Variants in ASAP1 observed in about 807,000 individuals in gnomAD.
ASAP1 encodes the protein ArfGAP with SH3 domain, ankyrin repeat and PH domain 1, also known as arf-GAP with SH3 domain, ANK repeat and PH domain-containing protein 1.
In ASAP1, 43 loss-of-function variants were observed where a neutral mutation model predicts 145.2. The observed-to-expected ratio is 0.30, with a 90% CI of 0.23 to 0.38. The LOEUF (loss-of-function observed/expected upper bound fraction) is 0.38, where lower values mean the gene tolerates loss of function less well. Ranked by LOEUF, ASAP1 falls within the 10% of genes least tolerant of loss-of-function variation. The probability of loss-of-function intolerance (pLI) is 1.00; values close to 1 mark genes in which losing one functional copy is unlikely to be tolerated. For missense variants in ASAP1, 1,018 were observed against 1,355.3 expected, an observed-to-expected ratio of 0.75 and a Z score of 3.91; for synonymous variants, 546 against 515.5, an observed-to-expected ratio of 1.06 and a Z score of -0.80.
chr8:130,225,790 T>G (rs948475911), intron 4 of ASAP1, among the ~76,000 whole-genome samples: 1 of 152,198 alleles, frequency 6.6e-6, no homozygotes, highest in African/African-American at 2.4e-5. Flanking sequence ...AGTCAGTGTT[T>G]GCTTAGGTGG....
chr8:130,397,969 T>C lies in ASAP1; in HGVS notation c.59+3916A>G, dbSNP rs370233523. 9.2e-5 allele frequency among the ~76,000 whole-genome samples: 14 copies of C among 152,312 alleles called. No homozygotes were observed. The East Asian group carries it at 2.7e-3, about 29-fold the overall frequency. On this transcript the variant is annotated intron_variant, in intron 2 of 29. Transcript: ENST00000518721. ...CCTAGCCAGGTTACTGGCACATAAG[T>C]AATAAGCAGTTATCAATACAAGTTA...
chr8:130,135,762 A>G (rs1244403342), intron 14 of ASAP1, among the ~76,000 whole-genome samples: 3 of 152,350 alleles, frequency 2.0e-5, no homozygotes, highest in Non-Finnish European at 4.4e-5. Context: ...ACAGACTCTC[A>G]TAACTAGGGG....
chr8:130,182,923 G>A (rs1814465500), intron 7 of ASAP1, among the ~76,000 whole-genome samples: 1 of 149,776 alleles, frequency 6.7e-6, no homozygotes, highest in South Asian at 2.1e-4. Context: ...AAACAGTGGG[G>A]AAAAAACACT....
intron 3 of ASAP1, among the ~76,000 whole-genome samples, chr8:130,353,625 T>A (rs1441739528): frequency 6.6e-6 from 1 of 152,192 alleles, no homozygotes; most frequent in African/African-American, 2.4e-5. Flanking sequence ...ATCCCAGCAC[T>A]TTGGAAGGCT....
intron 7 of ASAP1, among the ~76,000 whole-genome samples, chr8:130,184,376 G>T (rs1814574192): frequency 6.6e-6 from 1 of 152,208 alleles, no homozygotes; most frequent in African/African-American, 2.4e-5. Context: ...GATAAGTCAG[G>T]AAGCAGGTAA....
chr8:130,266,271 G>C (rs1331333106), intron 3 of ASAP1, among the ~76,000 whole-genome samples: 1 of 152,114 alleles, frequency 6.6e-6, no homozygotes, highest in Non-Finnish European at 1.5e-5. Flanking sequence ...TACATAACTA[G>C]TGGTCAGTGA....
At chr8:130,202,115 T>C (rs1400656076) in intron 5 of ASAP1, among the ~76,000 whole-genome samples, 1 of 152,192 alleles carries the variant, frequency 6.6e-6, no homozygotes. Context: ...TACATCTTCA[T>C]GTTTTAAGAC....
intron 27 of ASAP1, among the ~76,000 whole-genome samples, chr8:130,063,633 A>G (rs764161942): frequency 8.0e-4 from 121 of 152,130 alleles, no homozygotes; most frequent in Non-Finnish European, 3.4e-4. Flanking sequence ...TCTTCCTAAG[A>G]GCCCCGCGAT....
At chr8:130,380,073 C>T (rs905523204) in intron 2 of ASAP1, among the ~76,000 whole-genome samples, 7 of 152,220 alleles carry the variant, frequency 4.6e-5, no homozygotes, top group African/African-American at 7.2e-5. Flanking sequence ...TACTAAGCAC[C>T]TACCTGTTGG....
chr8:130,057,972 T>C lies in ASAP1; in HGVS notation c.3297A>G (p.Glu1099=), dbSNP rs1236928495. The change falls in exon 29 of 30, where the codon GAA becomes GAG. Residue 1099 remains glutamate, a synonymous_variant. Transcript: ENST00000518721. ...TACGTACCCACCACTCCTGGTCCTC[T>C]TCCCCTGTGACGATAATCACTTCTC... is the stretch of plus-strand genomic sequence containing the variant. ...IEGEVIIVTG[E]EDQEWWIGHI... 1.2e-6 allele frequency: 2 copies of C among 1,614,256 alleles called. No homozygotes were observed. Among genetic ancestry groups the C allele is most frequent in the South Asian group, 1.1e-5 (1 of 91,092 alleles).
chr8:130,056,038 T>C (rs2097403317), intron 29 of ASAP1, among the ~76,000 whole-genome samples: 1 of 152,124 alleles, frequency 6.6e-6, no homozygotes, highest in South Asian at 2.1e-4. Flanking sequence ...AGCTTCCCAT[T>C]CCCCGCAGGT....
intron 3 of ASAP1, among the ~76,000 whole-genome samples, chr8:130,241,703 G>C (rs1022990233): frequency 9.2e-5 from 14 of 152,086 alleles, no homozygotes; most frequent in African/African-American, 3.4e-4. Context: ...ATGTAGAAGA[G>C]ATATGACTAT....
rs11420981 is a variant in ASAP1 at position 130,352,212 on chromosome 8, G to GTTTT, written c.186+5801_186+5804dup. On this transcript the variant is annotated intron_variant, in intron 3 of 29. Coordinates refer to ENST00000518721, the MANE Select transcript of ASAP1 (RefSeq NM_018482.4). ...GATTTTAGCTAAATCCTTCCTAAGG[G>GTTTT]TTTTTTTTTTTTTTTTTTAAGACTA... Among the ~76,000 whole-genome samples, 101 of 139,684 alleles carry GTTTT rather than the reference G, an allele frequency of 7.2e-4. 1 individual carries two copies. Among genetic ancestry groups the GTTTT allele is most frequent in the African/African-American group, 2.0e-3 (77 of 37,814 alleles). The allele number at this position is 139,684 out of a possible 152,430, so 91.6% of individuals were successfully genotyped here.
At chr8:130,274,417 A>G (rs763058614) in intron 3 of ASAP1, among the ~76,000 whole-genome samples, 4 of 152,142 alleles carry the variant, frequency 2.6e-5, no homozygotes, top group Non-Finnish European at 5.9e-5. Flanking sequence ...TTTGGTAGAG[A>G]GGAGATAATA....
Position 130,101,732 on chromosome 8 carries a change from A to ATTTTTTTTTT in ASAP1, c.2402-9599_2402-9590dup, listed in dbSNP as rs59778799. On this transcript the variant is annotated intron_variant, in intron 24 of 29. Coordinates refer to ENST00000518721, the MANE Select transcript of ASAP1 (RefSeq NM_018482.4). ...AGGCATGTGCTACCACACCTGGTTAATTTTTTTTTTTTTTTTTTTTGCAGA... is the reference window on the plus strand; with the variant it reads ...AGGCATGTGCTACCACACCTGGTTAATTTTTTTTTTTTTTTTTTTTTTTTTTTTTTGCAGA... Among the ~76,000 whole-genome samples the ATTTTTTTTTT allele has an allele frequency of 5.6e-3, 486 of 86,884 alleles. 46 individuals are homozygous for ATTTTTTTTTT. Among genetic ancestry groups the ATTTTTTTTTT allele is most frequent in the African/African-American group, 0.018 (321 of 18,068 alleles). 57.0% of individuals were successfully genotyped at this position (86,884 alleles called of 152,430 possible). A position where few individuals can be genotyped will look rare whatever the true frequency, so the allele number is the denominator to read the frequency against.
chr8:130,282,708 T>C (rs997885959), intron 3 of ASAP1, among the ~76,000 whole-genome samples: 1 of 152,224 alleles, frequency 6.6e-6, no homozygotes, highest in Non-Finnish European at 1.5e-5. Context: ...AATATATTTT[T>C]AGAAAGCTGT....
At position 130,097,548 on chromosome 8, in the gene ASAP1, C is replaced by T. The variant is rs554119052; in HGVS notation, c.2402-5405G>A. ...CTGATGTGCTGCCAGAGCACCTCAA[C>T]GTCCTTAGCCTCGGGGATGCCTCTG... On this transcript the variant is annotated intron_variant, in intron 24 of 29. Transcript: ENST00000518721. Among the ~76,000 whole-genome samples, 15 of 152,322 alleles carry T rather than the reference C, an allele frequency of 9.8e-5. No homozygotes were observed. In the South Asian group the frequency reaches 2.1e-3, roughly 21 times the overall value.
chr8:130,321,904 T>C (rs979354717), intron 3 of ASAP1, among the ~76,000 whole-genome samples: 3 of 152,208 alleles, frequency 2.0e-5, no homozygotes, highest in African/African-American at 7.2e-5. Context: ...ATGAAATAAG[T>C]GTGCAAGTGT....
At chr8:130,095,526 C>A (rs530806688) in intron 24 of ASAP1, among the ~76,000 whole-genome samples, 1 of 151,742 alleles carries the variant, frequency 6.6e-6, no homozygotes, top group East Asian at 1.9e-4. Context: ...GTCTTGAACT[C>A]CCAACCTCAA....
Sources: allele counts gnomAD v4.1 joint callset (sites outside exome capture counted in the v4.1 genomes callset), GRCh38; gene constraint gnomAD v4.1.1; transcripts MANE v1.5; gene names NCBI Gene and HGNC (gene_info 2026-07-23, HGNC 2026-07-21).